The following KAZN variants were observed in gnomAD, a reference collection of about 807,000 sequenced individuals.
The protein encoded by KAZN is kazrin, periplakin interacting protein.
Under a neutral mutation model 87.4 loss-of-function variants are expected in KAZN, and 40 were observed. That is an observed-to-expected ratio of 0.46 (90% CI 0.36 to 0.60). KAZN has a LOEUF of 0.60. Among genes scored for constraint, KAZN ranks in the 20% least tolerant of loss-of-function variants. The pLI, the probability that KAZN is intolerant of heterozygous loss-of-function variation, is 0.00. For synonymous variants in KAZN, 466 were observed against 458.3 expected (o/e 1.02, Z -0.22); for missense variants, 898 against 1,073.9 (o/e 0.84, Z 2.29).
chr1:14,801,150 CAG>C (rs1048513591), intron 1 of KAZN, among the ~76,000 whole-genome samples: 1 of 151,906 alleles, frequency 6.6e-6, no homozygotes, highest in African/African-American at 2.4e-5. Flanking sequence ...CAGAGGCAGG[CAG>C]TGAGTGGGGG....
intron 1 of KAZN, among the ~76,000 whole-genome samples, chr1:14,941,064 C>T (rs1179404958): frequency 3.3e-5 from 5 of 151,860 alleles, no homozygotes; most frequent in South Asian, 2.1e-4. Context: ...TACAGGCGAG[C>T]GCCGCCACAC....
chr1:14,645,087 T>G (rs1680711114), intron 1 of KAZN, among the ~76,000 whole-genome samples: 1 of 152,124 alleles, frequency 6.6e-6, no homozygotes, highest in African/African-American at 2.4e-5. Context: ...CTTTTGTTAG[T>G]TTTGTTGAAG....
chr1:14,416,546 G>A (rs1664776680), intron 2 of KAZN, among the ~76,000 whole-genome samples: 1 of 152,196 alleles, frequency 6.6e-6, no homozygotes, highest in South Asian at 2.1e-4. Context: ...AGACAAGCCT[G>A]GTCAACATGG....
chr1:14,908,248 T>C (rs1243195350), intron 1 of KAZN, among the ~76,000 whole-genome samples: 1 of 148,182 alleles, frequency 6.7e-6, no homozygotes, highest in Non-Finnish European at 1.5e-5. Context: ...AAAATAAAAA[T>C]AAGAAAAATT....
chr1:14,786,622 A>G (rs1040579254), intron 1 of KAZN, among the ~76,000 whole-genome samples: 2 of 152,216 alleles, frequency 1.3e-5, no homozygotes, highest in African/African-American at 4.8e-5. Context: ...CTGCATCTGA[A>G]TAACCTGATG....
At chr1:14,014,259 G>A (rs1481977987) in intron 1 of KAZN, among the ~76,000 whole-genome samples, 1 of 152,030 alleles carries the variant, frequency 6.6e-6, no homozygotes, top group African/African-American at 2.4e-5. Flanking sequence ...ACCCAAAACA[G>A]CCAGAGGCAG....
intron 2 of KAZN, among the ~76,000 whole-genome samples, chr1:14,301,858 C>T (rs1654577585): frequency 6.6e-6 from 1 of 152,194 alleles, no homozygotes; most frequent in Non-Finnish European, 1.5e-5. Context: ...AGAGGCCTTC[C>T]TTGACTACTC....
At chr1:14,201,618 C>T (rs1451743782) in intron 2 of KAZN, among the ~76,000 whole-genome samples, 1 of 152,246 alleles carries the variant, frequency 6.6e-6, no homozygotes, top group Non-Finnish European at 1.5e-5. Flanking sequence ...CATTTGGACT[C>T]CAACTCACTC....
chr1:14,304,644 C>A (rs1654791786), intron 2 of KAZN: 2 of 398,434 alleles, frequency 5.0e-6, no homozygotes, highest in East Asian at 7.1e-5. Context: ...TTCCAATGAT[C>A]CAGCAGGCTT....
At chr1:14,390,351 G>A (rs983407462) in intron 2 of KAZN, among the ~76,000 whole-genome samples, 2 of 152,156 alleles carry the variant, frequency 1.3e-5, no homozygotes, top group African/African-American at 4.8e-5. Flanking sequence ...AAACTTCGAA[G>A]AAAATATAAG....
At chr1:14,320,916 C>T (rs922502432) in intron 2 of KAZN, among the ~76,000 whole-genome samples, 2 of 152,164 alleles carry the variant, frequency 1.3e-5, no homozygotes, top group African/African-American at 4.8e-5. Flanking sequence ...TCTCTTCCAG[C>T]TCTAACAGTG....
intron 1 of KAZN, among the ~76,000 whole-genome samples, chr1:14,685,484 A>T (rs1640900778): frequency 6.6e-6 from 1 of 152,176 alleles, no homozygotes; most frequent in Non-Finnish European, 1.5e-5. Flanking sequence ...GGGCCAGGGG[A>T]CATGGGCAGA....
chr1:13,986,796 C>T (rs952004566), intron 1 of KAZN, among the ~76,000 whole-genome samples: 5 of 152,158 alleles, frequency 3.3e-5, no homozygotes, highest in South Asian at 4.1e-4. Flanking sequence ...AACCAGCCAC[C>T]GGGGCCCTCG....
intron 1 of KAZN, among the ~76,000 whole-genome samples, chr1:13,933,695 G>A (rs1327087802): frequency 6.6e-6 from 1 of 152,192 alleles, no homozygotes; most frequent in Non-Finnish European, 1.5e-5. Context: ...TTTTAATGGT[G>A]AGAATAATAG....
chr1:14,085,024 T>G (rs1202518746), intron 1 of KAZN, among the ~76,000 whole-genome samples: 2 of 152,192 alleles, frequency 1.3e-5, no homozygotes, highest in Non-Finnish European at 2.9e-5. Context: ...TTGGAAGCTC[T>G]GAGGTGGCTT....
intron 1 of KAZN, among the ~76,000 whole-genome samples, chr1:13,956,077 TA>T (rs1429779417): frequency 6.6e-6 from 1 of 152,248 alleles, no homozygotes; most frequent in Non-Finnish European, 1.5e-5. Flanking sequence ...GTGCATTAAT[TA>T]ATCCCAATTA....
intron 2 of KAZN, among the ~76,000 whole-genome samples, chr1:14,578,294 A>C (rs1675315933): frequency 6.6e-6 from 1 of 152,018 alleles, no homozygotes; most frequent in Admixed American, 6.6e-5. Flanking sequence ...CCTGCCTTAC[A>C]CTAGCCTTTA....
intron 1 of KAZN, among the ~76,000 whole-genome samples, chr1:14,836,907 C>G (rs113843454): frequency 1.3e-5 from 2 of 152,208 alleles, no homozygotes; most frequent in African/African-American, 4.8e-5. Context: ...ACTAATGAGC[C>G]CTGCTGAGGC....
At chr1:14,567,164 T>C (rs1674591820) in intron 2 of KAZN, among the ~76,000 whole-genome samples, 1 of 152,152 alleles carries the variant, frequency 6.6e-6, no homozygotes, top group Non-Finnish European at 1.5e-5. Context: ...AGTTGAACCC[T>C]TAGAGGTCAT....
Sources: gnomAD v4.1 joint callset for allele counts (sites outside exome capture counted in the v4.1 genomes callset) on GRCh38, gnomAD v4.1.1 for gene constraint, MANE v1.5 for transcripts, NCBI Gene and HGNC (gene_info 2026-07-23, HGNC 2026-07-21) for gene names.